The following APBA1 variants were observed in gnomAD, a reference collection of about 807,000 sequenced individuals.
The protein encoded by APBA1 is amyloid beta precursor protein binding family A member 1.
In APBA1, 55 loss-of-function variants were observed where a neutral mutation model predicts 86.6. The observed-to-expected ratio is 0.64, with a 90% CI of 0.51 to 0.80. The LOEUF is 0.80. Ranked by LOEUF, APBA1 falls within the 30% of genes least tolerant of loss-of-function variation. The pLI is 0.00. For synonymous variants in APBA1, 511 were observed against 493.9 expected, an observed-to-expected ratio of 1.03 and a Z score of -0.46; for missense variants, 1,090 against 1,183.0, an observed-to-expected ratio of 0.92 and a Z score of 1.15.
At chr9:69,607,446 T>C (rs1436403372) in intron 1 of APBA1, among the ~76,000 whole-genome samples, 2 of 152,030 alleles carry the variant, frequency 1.3e-5, no homozygotes, top group African/African-American at 4.8e-5. Flanking sequence ...GAACTACAAT[T>C]CAATACGAGA....
At chr9:69,612,003 T>C (rs1337138606) in intron 1 of APBA1, among the ~76,000 whole-genome samples, 1 of 152,148 alleles carries the variant, frequency 6.6e-6, no homozygotes, top group East Asian at 1.9e-4. Flanking sequence ...TTTTGTCTGG[T>C]TTTGCTAATC....
At chr9:69,461,522 A>G (rs1835191267) in intron 5 of APBA1, 1 of 152,190 alleles carries the variant, frequency 6.6e-6, no homozygotes. Context: ...GTAAAAGCTT[A>G]CAACACCCCT....
chr9:69,554,847 A>G (rs1428436973), intron 1 of APBA1, among the ~76,000 whole-genome samples: 1 of 152,164 alleles, frequency 6.6e-6, no homozygotes, highest in East Asian at 1.9e-4. Flanking sequence ...TCTTTTTATG[A>G]GAGCTTTTTC....
chr9:69,611,231 G>T (rs1203166148), intron 1 of APBA1, among the ~76,000 whole-genome samples: 1 of 141,832 alleles, frequency 7.1e-6, no homozygotes, highest in Non-Finnish European at 1.5e-5. Flanking sequence ...GTAATATAAG[G>T]TATCTCTGTC....
intron 1 of APBA1, among the ~76,000 whole-genome samples, chr9:69,640,174 A>G (rs1042411872): frequency 2.6e-5 from 4 of 152,148 alleles, no homozygotes; most frequent in African/African-American, 9.7e-5. Context: ...ACAACTCCTA[A>G]AGCCATTACT....
intron 1 of APBA1, among the ~76,000 whole-genome samples, chr9:69,572,284 C>T (rs774703934): frequency 3.3e-5 from 5 of 152,130 alleles, no homozygotes; most frequent in Non-Finnish European, 5.9e-5. Flanking sequence ...TTTTCCCCTC[C>T]GTGTGTCCAT....
chr9:69,552,549 A>G (rs1258237871), intron 1 of APBA1, among the ~76,000 whole-genome samples: 1 of 152,218 alleles, frequency 6.6e-6, no homozygotes, highest in Non-Finnish European at 1.5e-5. Flanking sequence ...CCAAATTGAA[A>G]TATCAATGCA....
At chr9:69,647,501 C>A (rs1384570363) in intron 1 of APBA1, among the ~76,000 whole-genome samples, 1 of 152,166 alleles carries the variant, frequency 6.6e-6, no homozygotes, top group Non-Finnish European at 1.5e-5. Flanking sequence ...AAAGTGCAAG[C>A]CGACTTCCAA....
chr9:69,665,551 T>A lies in APBA1; in HGVS notation c.-70+6602A>T, dbSNP rs138011247. Among the ~76,000 whole-genome samples the A allele has an allele frequency of 5.3e-5, 8 of 152,322 alleles. No individual in the cohort carries two copies. The East Asian group carries it at 1.5e-3, about 29-fold the overall frequency. Reference sequence around the variant, plus strand: ...TCATCAATTCCTCTCCGTAAGTATTTGATAAACCCTTACTAATGCAGAGAG... The same window carrying A: ...TCATCAATTCCTCTCCGTAAGTATTAGATAAACCCTTACTAATGCAGAGAG... On this transcript the variant is annotated intron_variant, in intron 1 of 12. Coordinates refer to ENST00000265381, the MANE Select transcript of APBA1 (RefSeq NM_001163.4).
At chr9:69,470,346 T>C (rs755249106) in intron 4 of APBA1, among the ~76,000 whole-genome samples, 7 of 152,222 alleles carry the variant, frequency 4.6e-5, no homozygotes, top group Non-Finnish European at 1.0e-4. Context: ...GGTTTCCCTT[T>C]AGTGCTGCCT....
intron 3 of APBA1, among the ~76,000 whole-genome samples, chr9:69,473,939 G>A (rs901746603): frequency 2.0e-5 from 3 of 152,142 alleles, no homozygotes; most frequent in Non-Finnish European, 4.4e-5. Context: ...ATAGAAACAT[G>A]AGCCAAGTCT....
chr9:69,605,228 T>C (rs189802289), intron 1 of APBA1, among the ~76,000 whole-genome samples: 3 of 152,210 alleles, frequency 2.0e-5, no homozygotes, highest in South Asian at 2.1e-4. Flanking sequence ...TCTGGAACAA[T>C]GTTTCTGCAC....
chr9:69,440,492 CT>C (rs1371356182), intron 11 of APBA1, among the ~76,000 whole-genome samples: 4 of 151,994 alleles, frequency 2.6e-5, no homozygotes, highest in Non-Finnish European at 5.9e-5. Context: ...GTGGGTGCCC[CT>C]CCCCCAGCCT....
chr9:69,441,488 C>T (rs144464788), intron 10 of APBA1, among the ~76,000 whole-genome samples: 1 of 152,298 alleles, frequency 6.6e-6, no homozygotes, highest in East Asian at 1.9e-4. Context: ...TTTCCCCCAG[C>T]CAGGAGCAAC....
intron 1 of APBA1, among the ~76,000 whole-genome samples, chr9:69,603,130 G>C (rs959646704): frequency 2.0e-5 from 3 of 152,168 alleles, no homozygotes; most frequent in African/African-American, 7.2e-5. Context: ...GAATCAAAAG[G>C]TGTCTTCTCA....
At chr9:69,564,513 A>G (rs1836995315) in intron 1 of APBA1, among the ~76,000 whole-genome samples, 1 of 152,186 alleles carries the variant, frequency 6.6e-6, no homozygotes, top group Admixed American at 6.5e-5. Context: ...CTTAACTGAC[A>G]AAAGTGAAAC....
intron 2 of APBA1, among the ~76,000 whole-genome samples, chr9:69,501,188 G>T (rs1279122437): frequency 6.6e-6 from 1 of 152,038 alleles, no homozygotes; most frequent in Admixed American, 6.6e-5. Flanking sequence ...GGAGTGAAGT[G>T]GCCTGTGTCT....
chr9:69,500,208 C>T (rs143549569), intron 2 of APBA1, among the ~76,000 whole-genome samples: 2 of 152,078 alleles, frequency 1.3e-5, no homozygotes, highest in East Asian at 3.9e-4. Context: ...AAAGGAAACA[C>T]TAGCCTAGAG....
chr9:69,670,647 T>A (rs557732562), intron 1 of APBA1, among the ~76,000 whole-genome samples: 44 of 152,226 alleles, frequency 2.9e-4, no homozygotes, highest in Admixed American at 1.2e-3. Context: ...TACCCAACCC[T>A]ACCTACACAC....
Sources: gnomAD v4.1 joint callset for allele counts (sites outside exome capture counted in the v4.1 genomes callset) on GRCh38, gnomAD v4.1.1 for gene constraint, MANE v1.5 for transcripts, NCBI Gene and HGNC (gene_info 2026-07-23, HGNC 2026-07-21) for gene names.